The following RPS6KA2 variants were observed in gnomAD, a reference collection of about 807,000 sequenced individuals.
RPS6KA2 encodes the protein ribosomal protein S6 kinase alpha-2.
RPS6KA2 carries 42 observed loss-of-function variants against 91.8 expected under a neutral mutation model. The ratio of observed to expected loss-of-function variants is 0.46; its 90% CI spans 0.36 to 0.59. The LOEUF (loss-of-function observed/expected upper bound fraction) is 0.59. Among genes scored for constraint, RPS6KA2 ranks in the 20% least tolerant of loss-of-function variants. RPS6KA2 has a pLI of 0.00. For synonymous variants in RPS6KA2, 414 were observed against 393.6 expected (o/e 1.05, Z -0.61); for missense variants, 798 against 978.5 (o/e 0.82, Z 2.46).
At chr6:166,647,418 A>G (rs62438671) in intron 2 of RPS6KA2, among the ~76,000 whole-genome samples, 51,435 of 151,982 alleles carry the variant, frequency 0.34, 9,182 homozygotes, top group African/African-American at 0.46. Context: ...GTGGGCCTCC[A>G]GGATTCCTCC....
At chr6:166,764,744 G>A (rs1454079776) in intron 2 of RPS6KA2, among the ~76,000 whole-genome samples, 5 of 152,230 alleles carry the variant, frequency 3.3e-5, no homozygotes, top group Admixed American at 1.3e-4. Flanking sequence ...GGAGGAAGAC[G>A]CGCCACAGGG....
intron 1 of RPS6KA2, among the ~76,000 whole-genome samples, chr6:166,574,294 T>C (rs1489697971): frequency 1.3e-5 from 2 of 152,106 alleles, no homozygotes; most frequent in East Asian, 3.9e-4. Flanking sequence ...GTAGGTAGTT[T>C]TTAAGTTCAC....
At chr6:166,780,083 G>C (rs1778729328) in intron 2 of RPS6KA2, among the ~76,000 whole-genome samples, 1 of 152,224 alleles carries the variant, frequency 6.6e-6, no homozygotes, top group Non-Finnish European at 1.5e-5. Flanking sequence ...CTCAGGCAAG[G>C]GGATGGCTCA....
intron 1 of RPS6KA2, among the ~76,000 whole-genome samples, chr6:166,543,849 G>A (rs116061303): frequency 0.012 from 1,827 of 148,048 alleles, 36 homozygotes; most frequent in South Asian, 0.053. Context: ...GTGTACATGT[G>A]GAATGCACAT....
intron 2 of RPS6KA2, among the ~76,000 whole-genome samples, chr6:166,818,155 TATAATG>T (rs1779818465): frequency 6.6e-6 from 1 of 151,022 alleles, no homozygotes; most frequent in African/African-American, 2.5e-5. Flanking sequence ...TTAAAATTAA[TATAATG>T]ATATTATTAA....
At chr6:166,715,017 C>T (rs1026238603) in intron 2 of RPS6KA2, among the ~76,000 whole-genome samples, 3 of 152,256 alleles carry the variant, frequency 2.0e-5, no homozygotes, top group African/African-American at 7.2e-5. Context: ...AGGAAACTCC[C>T]TCTCCAAACA....
At chr6:166,764,358 G>A (rs1299003855) in intron 2 of RPS6KA2, among the ~76,000 whole-genome samples, 2 of 152,184 alleles carry the variant, frequency 1.3e-5, no homozygotes, top group African/African-American at 4.8e-5. Flanking sequence ...GCCCAGGGTG[G>A]CCGAGGAGCA....
chr6:166,728,978 C>T (rs1329239849), intron 2 of RPS6KA2, among the ~76,000 whole-genome samples: 1 of 152,214 alleles, frequency 6.6e-6, no homozygotes, highest in African/African-American at 2.4e-5. Flanking sequence ...ACTAGCCAGA[C>T]AGACCAAAGG....
intron 2 of RPS6KA2, among the ~76,000 whole-genome samples, chr6:166,647,889 C>A (rs1488096312): frequency 6.7e-6 from 1 of 149,354 alleles, no homozygotes; most frequent in Non-Finnish European, 1.5e-5. Flanking sequence ...GACACACATA[C>A]ATACACACAT....
chr6:166,799,709 G>C (rs1326967441), intron 2 of RPS6KA2, among the ~76,000 whole-genome samples: 2 of 152,114 alleles, frequency 1.3e-5, no homozygotes, highest in Non-Finnish European at 2.9e-5. Context: ...TGTTTTGAAA[G>C]GCCAGAAGAT....
intron 12 of RPS6KA2, among the ~76,000 whole-genome samples, chr6:166,455,183 T>C (rs1780058088): frequency 6.6e-6 from 1 of 152,128 alleles, no homozygotes; most frequent in Non-Finnish European, 1.5e-5. Context: ...CTCAGTTTTA[T>C]CTCCACACGG....
intron 6 of RPS6KA2, among the ~76,000 whole-genome samples, chr6:166,503,371 G>A (rs59470891): frequency 0.03 from 4,576 of 152,344 alleles, 226 homozygotes; most frequent in African/African-American, 0.1. Context: ...GTTTCCCATA[G>A]ATGACAGCTG....
chr6:166,800,132 C>T (rs1562446591), intron 2 of RPS6KA2, among the ~76,000 whole-genome samples: 1 of 152,206 alleles, frequency 6.6e-6, no homozygotes. Context: ...TCAATTAGGC[C>T]AACTCCTCAG....
At chr6:166,772,185 C>A (rs1178206423) in intron 2 of RPS6KA2, among the ~76,000 whole-genome samples, 1 of 150,978 alleles carries the variant, frequency 6.6e-6, no homozygotes, top group Non-Finnish European at 1.5e-5. Context: ...CCCCTCCTGG[C>A]AAGCACTCCC....
At chr6:166,835,140 T>C (rs1476264937) in intron 2 of RPS6KA2, among the ~76,000 whole-genome samples, 7 of 152,256 alleles carry the variant, frequency 4.6e-5, no homozygotes, top group Non-Finnish European at 2.9e-5. Context: ...TCTGTTTCTA[T>C]TCATTCCATT....
At chr6:166,786,157 T>A (rs1202717134) in intron 2 of RPS6KA2, among the ~76,000 whole-genome samples, 1 of 152,234 alleles carries the variant, frequency 6.6e-6, no homozygotes, top group East Asian at 1.9e-4. Flanking sequence ...CAGTACATTT[T>A]AAGTCCTTCT....
intron 1 of RPS6KA2, among the ~76,000 whole-genome samples, chr6:166,580,963 G>A (rs537955406): frequency 7.9e-5 from 12 of 152,184 alleles, no homozygotes; most frequent in Admixed American, 1.3e-4. Flanking sequence ...ATGCAGTGGC[G>A]CAATCTCGGC....
At position 166,639,931 on chromosome 6, in the gene RPS6KA2, G is replaced by A. The variant is rs1281848382; in HGVS notation, c.124-101147C>T. Among the ~76,000 whole-genome samples the A allele has an allele frequency of 2.0e-5, 3 of 152,218 alleles. No homozygotes were observed. Among genetic ancestry groups the A allele is most frequent in the African/African-American group, 4.8e-5 (2 of 41,454 alleles). ...CTTCAGAGAAGCAAGTGTCCGTAGC[G>A]TTCCATGCGTGTGTGTAAACAGACG... On this transcript the variant is annotated intron_variant, in intron 2 of 21. Transcript: ENST00000503859. The surrounding 1 kb of genome is among the most constrained non-coding windows in gnomAD (Gnocchi z 4.2).
At position 166,665,038 on chromosome 6, in the gene RPS6KA2, AGTTGGAGACCAAC is replaced by A. The variant is rs1788276390; in HGVS notation, c.124-126267_124-126255del. On this transcript the variant is annotated intron_variant, in intron 2 of 21. Coordinates refer to the RPS6KA2 transcript ENST00000503859. The surrounding 1 kb of genome is among the most constrained non-coding windows in gnomAD (Gnocchi z 4.5). Reference sequence around the variant, plus strand: ...GGCAAGAGGATTGCTTGAGCCCAGAAGTTGGAGACCAACCTGGGCAAAATAGTGAGACCCCATC... The same window carrying A: ...GGCAAGAGGATTGCTTGAGCCCAGAACTGGGCAAAATAGTGAGACCCCATC... Among the ~76,000 whole-genome samples the A allele has an allele frequency of 6.6e-6, 1 of 152,212 alleles. No individual in the cohort carries two copies. The highest frequency in any genetic ancestry group is 1.9e-4 in the East Asian group (1 of 5,200).
Sources: allele counts gnomAD v4.1 joint callset (sites outside exome capture counted in the v4.1 genomes callset), GRCh38; gene constraint gnomAD v4.1.1; non-coding constraint Gnocchi (gnomAD v3.1); transcripts MANE v1.5; gene names NCBI Gene and HGNC (gene_info 2026-07-23, HGNC 2026-07-21).